ARHGEF26: variants seen among roughly 807,000 people sequenced by gnomAD.
ARHGEF26 encodes Rho guanine nucleotide exchange factor (GEF) 26.
ARHGEF26 carries 59 observed loss-of-function variants against 89.4 expected under a neutral mutation model. That is an observed-to-expected ratio of 0.66 (90% confidence interval 0.54 to 0.82). The LOEUF (loss-of-function observed/expected upper bound fraction) is 0.82. Ranked by LOEUF, ARHGEF26 falls within the 40% of genes least tolerant of loss-of-function variation. The pLI, the probability that ARHGEF26 is intolerant of heterozygous loss-of-function variation, is 0.00. For missense variants in ARHGEF26, 1,234 were observed against 1,085.6 expected (o/e 1.14, Z -1.92); for synonymous variants, 500 against 428.4 (o/e 1.17, Z -2.06).
At chr3:154,251,701 TG>T (rs1718160240) in intron 12 of ARHGEF26, among the ~76,000 whole-genome samples, 1 of 151,944 alleles carries the variant, frequency 6.6e-6, no homozygotes, top group Non-Finnish European at 1.5e-5. Flanking sequence ...CAGCATTGAG[TG>T]GATATATGTT....
rs777873063 is a variant in ARHGEF26, at chr3:154,122,676, C to T, written c.684C>T (p.Leu228=). 1.9e-5 allele frequency: 31 copies of T among 1,613,730 alleles called. No homozygotes were observed. Among genetic ancestry groups the T allele is most frequent in the Non-Finnish European group, 1.8e-5 (21 of 1,179,864 alleles). Residue 228 remains leucine, a synonymous_variant, in exon 2 of 15, where the codon CTC becomes CTT. Coordinates refer to ENST00000465093, the MANE Select transcript of ARHGEF26 (RefSeq NM_015595.4). Reference sequence around the variant, plus strand: ...TGCCCTCCCAGGAGAACGAGCTCCTCGAGAATCCTTCCGTGGTTTTGAGTA... The same window carrying T: ...TGCCCTCCCAGGAGAACGAGCTCCTTGAGAATCCTTCCGTGGTTTTGAGTA... ...QRLPSQENEL[L]ENPSVVLSTN...
intron 6 of ARHGEF26, among the ~76,000 whole-genome samples, chr3:154,155,936 T>C (rs769116698): frequency 9.2e-5 from 14 of 152,042 alleles, no homozygotes; most frequent in African/African-American, 1.4e-4. Context: ...TTTAATAATA[T>C]GGACTTTAAT....
chr3:154,215,295 G>C (rs1357898979), intron 9 of ARHGEF26, among the ~76,000 whole-genome samples: 1 of 151,686 alleles, frequency 6.6e-6, no homozygotes, highest in Non-Finnish European at 1.5e-5. Context: ...TTCTCCTTCA[G>C]CTTTCAGCTT....
chr3:154,167,394 G>A (rs1355151166), intron 6 of ARHGEF26, among the ~76,000 whole-genome samples: 1 of 152,166 alleles, frequency 6.6e-6, no homozygotes, highest in Non-Finnish European at 1.5e-5. Context: ...AACTGAGGAA[G>A]TGACCTTTCC....
intron 6 of ARHGEF26, among the ~76,000 whole-genome samples, chr3:154,156,029 A>C (rs553475302): frequency 6.6e-6 from 1 of 152,136 alleles, no homozygotes; most frequent in Admixed American, 6.6e-5. Context: ...ATTTATCAAA[A>C]CATAAAGGAT....
intron 6 of ARHGEF26, 65 bp from the exon 7 acceptor site, chr3:154,187,620 C>CTAA: frequency 7.3e-7 from 1 of 1,370,782 alleles, no homozygotes; most frequent in Non-Finnish European, 9.9e-7. Flanking sequence ...TTACATGAGG[C>CTAA]TAATCTGTTA....
chr3:154,153,612 G>A (rs1364519814), intron 6 of ARHGEF26, among the ~76,000 whole-genome samples: 8 of 151,894 alleles, frequency 5.3e-5, no homozygotes, highest in East Asian at 1.9e-4. Context: ...AGTTTTGTAC[G>A]TGTAAGTAGT....
chr3:154,222,027 A>G (rs1226360921), intron 10 of ARHGEF26, among the ~76,000 whole-genome samples: 2 of 152,176 alleles, frequency 1.3e-5, no homozygotes, highest in East Asian at 3.8e-4. Context: ...TCTCACATGA[A>G]CCCTATAATG....
intron 6 of ARHGEF26, among the ~76,000 whole-genome samples, chr3:154,176,416 A>G (rs1191977253): frequency 6.6e-6 from 1 of 152,236 alleles, no homozygotes; most frequent in Non-Finnish European, 1.5e-5. Context: ...AAAAAGAGGT[A>G]ACACTAGAAA....
chr3:154,175,755 G>C (rs542256737), intron 6 of ARHGEF26, among the ~76,000 whole-genome samples: 1 of 152,220 alleles, frequency 6.6e-6, no homozygotes, highest in East Asian at 1.9e-4. Flanking sequence ...TATTGGCACT[G>C]TATGTTTTGT....
At chr3:154,213,201 T>G (rs200182719) in intron 9 of ARHGEF26, among the ~76,000 whole-genome samples, 2,164 of 136,556 alleles carry the variant, frequency 0.016, 45 homozygotes, top group African/African-American at 0.055. Flanking sequence ...ACGAGTAACA[T>G]AGAGAGAGAG....
intron 5 of ARHGEF26, among the ~76,000 whole-genome samples, chr3:154,150,235 T>C (rs901451697): frequency 1.4e-4 from 22 of 151,964 alleles, no homozygotes; most frequent in Non-Finnish European, 2.9e-4. Flanking sequence ...TATAGAACTT[T>C]GGTGTACCCA....
At chr3:154,209,985 C>T (rs938488517) in intron 9 of ARHGEF26, among the ~76,000 whole-genome samples, 3 of 152,230 alleles carry the variant, frequency 2.0e-5, no homozygotes, top group African/African-American at 7.2e-5. Flanking sequence ...CCCACTCTAA[C>T]CTTCCCTTTC....
intron 11 of ARHGEF26, among the ~76,000 whole-genome samples, chr3:154,228,888 C>G (rs960233060): frequency 7.2e-5 from 11 of 152,198 alleles, no homozygotes; most frequent in African/African-American, 2.7e-4. Context: ...CACCCACTGC[C>G]TAATTCTAAT....
chr3:154,245,144 C>G (rs914267510), intron 12 of ARHGEF26, among the ~76,000 whole-genome samples: 6 of 152,208 alleles, frequency 3.9e-5, no homozygotes, highest in African/African-American at 1.4e-4. Flanking sequence ...TCTCCTGCCT[C>G]AGCCTCTCAA....
At chr3:154,148,552 T>G (rs1719825345) in intron 4 of ARHGEF26, among the ~76,000 whole-genome samples, 1 of 150,090 alleles carries the variant, frequency 6.7e-6, no homozygotes, top group Non-Finnish European at 1.5e-5. Context: ...GGTTTTTCAT[T>G]CTCTTCTCCT....
chr3:154,256,183 G>A lies in ARHGEF26; in HGVS notation c.*710G>A, dbSNP rs1042469345. On this transcript the variant is annotated 3_prime_UTR_variant, in exon 15 of 15. Coordinates refer to ENST00000465093, the MANE Select transcript of ARHGEF26 (RefSeq NM_015595.4). ...ATTAACCTAAGCTACCTTTAACAAC[G>A]TAGAATTTAGATGGGTTCATATATG... is the stretch of plus-strand genomic sequence containing the variant. 5.1e-6 allele frequency: 5 copies of A among 985,546 alleles called. No individual in the cohort carries two copies. The highest frequency in any genetic ancestry group is 4.7e-5 in the South Asian group (1 of 21,286). 61.1% of individuals were successfully genotyped at this position (985,546 alleles called of 1,614,324 possible).
intron 4 of ARHGEF26, among the ~76,000 whole-genome samples, chr3:154,134,940 T>C (rs1718913334): frequency 1.3e-5 from 2 of 152,178 alleles, no homozygotes; most frequent in East Asian, 3.9e-4. Flanking sequence ...TAGTTGATCA[T>C]GGTGGATAAG....
chr3:154,186,165 A>C (rs184186724), intron 6 of ARHGEF26, among the ~76,000 whole-genome samples: 8 of 150,134 alleles, frequency 5.3e-5, no homozygotes, highest in African/African-American at 1.2e-4. Flanking sequence ...ACACACACAC[A>C]CCCCTATACA....
Sources: allele counts gnomAD v4.1 joint callset (sites outside exome capture counted in the v4.1 genomes callset), GRCh38; gene constraint gnomAD v4.1.1; transcripts MANE v1.5; gene names NCBI Gene and HGNC (gene_info 2026-07-23, HGNC 2026-07-21).